GALNT13: variants seen among roughly 807,000 people sequenced by gnomAD.
The protein encoded by GALNT13 is UDP-GalNAc:polypeptide N-acetylgalactosaminyltransferase 13.
Under a neutral mutation model 64.2 loss-of-function variants are expected in GALNT13, and 28 were observed. That is an observed-to-expected ratio of 0.44 (90% CI 0.32 to 0.60). The LOEUF is 0.60. Among genes scored for constraint, GALNT13 ranks in the 20% least tolerant of loss-of-function variants. The pLI, the probability that GALNT13 is intolerant of heterozygous loss-of-function variation, is 0.05. For missense variants in GALNT13, 577 were observed against 669.8 expected (o/e 0.86, Z 1.53); for synonymous variants, 214 against 224.6 (o/e 0.95, Z 0.42).
At chr2:153,215,378 T>G in the GALNT13 span, among the ~76,000 whole-genome samples, 1 of 152,114 alleles carries the variant, frequency 6.6e-6, no homozygotes, top group East Asian at 1.9e-4. Flanking sequence ...ATTTACACAT[T>G]AGCATTTTTA....
chr2:154,428,913 G>T (rs759650336), intron 11 of GALNT13, among the ~76,000 whole-genome samples: 1 of 151,832 alleles, frequency 6.6e-6, no homozygotes, highest in Non-Finnish European at 1.5e-5. Flanking sequence ...TCCCACGGGC[G>T]CCTGCCACCA....
upstream of GALNT13, among the ~76,000 whole-genome samples, chr2:153,871,745 C>A (rs1485690592): frequency 6.6e-6 from 1 of 152,178 alleles, no homozygotes. Context: ...ACCGCCCCAG[C>A]CCGGGGAGGA....
chr2:153,675,486 T>A, the GALNT13 span, among the ~76,000 whole-genome samples: 3 of 151,546 alleles, frequency 2.0e-5, no homozygotes. Flanking sequence ...TAAGTGGGAG[T>A]TGAATAACAA....
chr2:153,402,754 C>T, the GALNT13 span, among the ~76,000 whole-genome samples: 1 of 152,304 alleles, frequency 6.6e-6, no homozygotes, highest in Non-Finnish European at 1.5e-5. Context: ...TCACGTAGTT[C>T]TCAAGCCTTG....
the GALNT13 span, among the ~76,000 whole-genome samples, chr2:153,717,961 GT>G: frequency 5.7e-4 from 84 of 147,232 alleles, no homozygotes; most frequent in Admixed American, 8.2e-4. Context: ...CTAAAAATTA[GT>G]TTTTTTTTTT....
the GALNT13 span, among the ~76,000 whole-genome samples, chr2:153,274,891 G>A: frequency 1.3e-5 from 2 of 152,164 alleles, no homozygotes; most frequent in Admixed American, 6.5e-5. Context: ...CACAAATGTG[G>A]CCTACCTTTC....
chr2:154,036,112 T>C (rs916966819), intron 3 of GALNT13, among the ~76,000 whole-genome samples: 49 of 152,124 alleles, frequency 3.2e-4, no homozygotes, highest in Non-Finnish European at 6.9e-4. Context: ...TAACACAAAT[T>C]AAATTTTTAT....
At chr2:154,412,251 G>A (rs531244972) in intron 11 of GALNT13, among the ~76,000 whole-genome samples, 1 of 151,620 alleles carries the variant, frequency 6.6e-6, no homozygotes, top group African/African-American at 2.4e-5. Context: ...TGCTCTGATG[G>A]AATTCAATAT....
intron 3 of GALNT13, among the ~76,000 whole-genome samples, chr2:154,128,713 T>G (rs546707785): frequency 6.6e-6 from 1 of 152,236 alleles, no homozygotes; most frequent in Non-Finnish European, 1.5e-5. Context: ...TGGAGCTTTT[T>G]TTTCTTCCAC....
the GALNT13 span, among the ~76,000 whole-genome samples, chr2:153,419,421 C>T: frequency 6.6e-6 from 1 of 152,132 alleles, no homozygotes; most frequent in African/African-American, 2.4e-5. Context: ...TTTATACTGA[C>T]TGAAAAAGGC....
the GALNT13 span, among the ~76,000 whole-genome samples, chr2:153,349,735 G>A: frequency 3.2e-4 from 49 of 152,116 alleles, 1 homozygote; most frequent in Middle Eastern, 3.4e-3. Flanking sequence ...AAAGAAAACC[G>A]AGTAAGTCTT....
chr2:154,209,799 G>T (rs903218370), intron 4 of GALNT13, among the ~76,000 whole-genome samples: 3 of 151,960 alleles, frequency 2.0e-5, no homozygotes, highest in African/African-American at 7.3e-5. Flanking sequence ...TACATATGTG[G>T]AATAATTAAA....
chr2:153,140,915 C>T, the GALNT13 span, among the ~76,000 whole-genome samples: 13 of 152,004 alleles, frequency 8.6e-5, no homozygotes, highest in Admixed American at 6.6e-4. Flanking sequence ...TAATTCAACA[C>T]CTTTCAGTAT....
chr2:153,633,932 C>T, the GALNT13 span, among the ~76,000 whole-genome samples: 1 of 151,968 alleles, frequency 6.6e-6, no homozygotes, highest in Non-Finnish European at 1.5e-5. Context: ...TTAATAATTT[C>T]CGATGTCTGA....
At chr2:153,872,556 A>G (rs1345592864) in intron 1 of GALNT13, among the ~76,000 whole-genome samples, 2 of 143,722 alleles carry the variant, frequency 1.4e-5, no homozygotes, top group South Asian at 4.7e-4. Context: ...CGTGGCGCGG[A>G]ACTTTCTGCC....
At chr2:153,300,527 T>G in the GALNT13 span, among the ~76,000 whole-genome samples, 1 of 152,236 alleles carries the variant, frequency 6.6e-6, no homozygotes. Context: ...CTTATCATTT[T>G]TTATGTAAGC....
chr2:153,296,758 T>G, the GALNT13 span, among the ~76,000 whole-genome samples: 1 of 152,124 alleles, frequency 6.6e-6, no homozygotes, highest in Non-Finnish European at 1.5e-5. Flanking sequence ...TACATGGAAA[T>G]AAAACTTGTA....
At chr2:153,414,392 A>AT in the GALNT13 span, among the ~76,000 whole-genome samples, 8 of 151,820 alleles carry the variant, frequency 5.3e-5, no homozygotes, top group African/African-American at 1.2e-4. Flanking sequence ...AAAATAAAAA[A>AT]AAAATAAAAT....
chr2:153,571,497 G>T, the GALNT13 span, among the ~76,000 whole-genome samples: 3 of 152,008 alleles, frequency 2.0e-5, no homozygotes, highest in Admixed American at 2.0e-4. Flanking sequence ...GAATAACAGT[G>T]ATGAAAGTGA....
Sources: gnomAD v4.1 joint callset for allele counts (sites outside exome capture counted in the v4.1 genomes callset) on GRCh38, gnomAD v4.1.1 for gene constraint, MANE v1.5 for transcripts, NCBI Gene and HGNC (gene_info 2026-07-23, HGNC 2026-07-21) for gene names.